ZNRF2: variants seen among roughly 807,000 people sequenced by gnomAD.
ZNRF2 encodes the protein zinc and ring finger 2.
In ZNRF2, 16 loss-of-function variants were observed where a neutral mutation model predicts 20.4. The observed-to-expected ratio is 0.79, with a 90% CI of 0.53 to 1.19. ZNRF2 has a LOEUF of 1.19. Ranked by LOEUF, ZNRF2 falls within the 50% of genes most tolerant of loss-of-function variation. The pLI is 0.00. For missense variants in ZNRF2, 363 were observed against 332.4 expected (o/e 1.09, Z -0.72); for synonymous variants, 178 against 144.9 (o/e 1.23, Z -1.64).
At chr7:30,362,332 AATTAGT>A (rs775404645) in intron 3 of ZNRF2, 39 bp from the exon 4 acceptor site, 1 of 1,308,334 alleles carries the variant, frequency 7.6e-7, no homozygotes, top group Non-Finnish European at 1.1e-6. Context: ...TTATATAAAT[AATTAGT>A]ATAAGTATCT....
chr7:30,325,221 A>G (rs937155528), intron 2 of ZNRF2, among the ~76,000 whole-genome samples: 1 of 152,242 alleles, frequency 6.6e-6, no homozygotes, highest in Non-Finnish European at 1.5e-5. Flanking sequence ...ATAAAGAAAC[A>G]GACTTCAAAA....
At chr7:30,300,922 A>G (rs976024593) in intron 1 of ZNRF2, among the ~76,000 whole-genome samples, 3 of 152,226 alleles carry the variant, frequency 2.0e-5, no homozygotes, top group Non-Finnish European at 4.4e-5. Context: ...AAATGAATCA[A>G]ACAATTTAAC....
chr7:30,290,478 G>C (rs142130135), intron 1 of ZNRF2, among the ~76,000 whole-genome samples: 1 of 152,298 alleles, frequency 6.6e-6, no homozygotes, highest in East Asian at 1.9e-4. Context: ...AGACTTCCTT[G>C]GGTTATTGGC....
chr7:30,342,665 C>G (rs1799814143), intron 2 of ZNRF2, among the ~76,000 whole-genome samples: 1 of 151,830 alleles, frequency 6.6e-6, no homozygotes. Context: ...TTGTGCTTTC[C>G]TTAGGTATGC....
intron 2 of ZNRF2, among the ~76,000 whole-genome samples, chr7:30,324,084 CAA>C (rs1005320108): frequency 1.2e-4 from 18 of 152,038 alleles, no homozygotes; most frequent in African/African-American, 3.9e-4. Context: ...TATTTAGTGA[CAA>C]GAGTGGCATT....
chr7:30,363,884 A>G (rs1466235209), intron 4 of ZNRF2, among the ~76,000 whole-genome samples: 1 of 152,198 alleles, frequency 6.6e-6, no homozygotes, highest in East Asian at 1.9e-4. Flanking sequence ...GAGAGATGAT[A>G]TAAAGCATTG....
intron 3 of ZNRF2, among the ~76,000 whole-genome samples, chr7:30,359,193 C>T (rs547964241): frequency 2.6e-4 from 40 of 152,198 alleles, no homozygotes; most frequent in Admixed American, 9.2e-4. Context: ...GAAAGAAAAT[C>T]GTGGAAATGT....
chr7:30,343,174 G>A (rs1181596725), intron 2 of ZNRF2, among the ~76,000 whole-genome samples: 2 of 152,066 alleles, frequency 1.3e-5, no homozygotes, highest in Non-Finnish European at 1.5e-5. Flanking sequence ...AGTCAACCAA[G>A]CGTGGTGGTG....
At chr7:30,313,745 T>TA (rs1799325095) in intron 1 of ZNRF2, among the ~76,000 whole-genome samples, 1 of 152,116 alleles carries the variant, frequency 6.6e-6, no homozygotes, top group African/African-American at 2.4e-5. Flanking sequence ...CAGTGAAGAA[T>TA]AAAAAACTAC....
At chr7:30,288,501 T>C (rs527496253) in intron 1 of ZNRF2, among the ~76,000 whole-genome samples, 8 of 152,328 alleles carry the variant, frequency 5.3e-5, no homozygotes, top group African/African-American at 1.7e-4. Flanking sequence ...GTGGAATTGT[T>C]AGTAGTTCTC....
In ZNRF2 at chr7:30,285,747, G is replaced by A. The variant is rs1411289273; in HGVS notation, c.390G>A (p.Arg130=). 2 of 1,479,584 alleles carry A rather than the reference G, an allele frequency of 1.4e-6. No homozygotes were observed. Among genetic ancestry groups the A allele is most frequent in the African/African-American group, 1.5e-5 (1 of 67,180 alleles). 91.7% of individuals were successfully genotyped at this position (1,479,584 alleles called of 1,614,324 possible). The change falls in exon 1 of 5, where the codon CGG becomes CGA. Residue 130 remains arginine (R), a synonymous_variant. Transcript: ENST00000323037. The part of the protein sequence containing the change: ...SPEDGGGGRD[R]PVGGSPGGPR... The stretch of plus-strand genomic sequence containing the variant: ...AGGACGGCGGCGGCGGCCGGGACCG[G>A]CCGGTGGGCGGGAGCCCCGGCGGGC...
chr7:30,343,568 C>T (rs549359398), intron 2 of ZNRF2, among the ~76,000 whole-genome samples: 19 of 152,104 alleles, frequency 1.2e-4, no homozygotes, highest in Non-Finnish European at 2.6e-4. Flanking sequence ...GTGCAAATTG[C>T]ATTTTTTAAT....
At chr7:30,350,686 A>C (rs1799948813) in intron 2 of ZNRF2, among the ~76,000 whole-genome samples, 1 of 152,034 alleles carries the variant, frequency 6.6e-6, no homozygotes, top group African/African-American at 2.4e-5. Flanking sequence ...AAAACTTGTG[A>C]GCCCCAACTT....
intron 1 of ZNRF2, among the ~76,000 whole-genome samples, chr7:30,319,341 A>G (rs1475509975): frequency 6.6e-6 from 1 of 152,164 alleles, no homozygotes; most frequent in African/African-American, 2.4e-5. Context: ...AATACTTACT[A>G]TGTTGCAGGC....
intron 2 of ZNRF2, among the ~76,000 whole-genome samples, chr7:30,353,879 G>C (rs531115260): frequency 6.6e-6 from 1 of 151,920 alleles, no homozygotes; most frequent in Admixed American, 6.6e-5. Context: ...TGATAAGAAT[G>C]GTATACCTTT....
chr7:30,345,472 T>C (rs772545339), intron 2 of ZNRF2, among the ~76,000 whole-genome samples: 2 of 152,134 alleles, frequency 1.3e-5, no homozygotes, highest in South Asian at 2.1e-4. Context: ...TATAGTGTTC[T>C]GTTATACCAT....
At chr7:30,344,289 CTG>C (rs1289145490) in intron 2 of ZNRF2, among the ~76,000 whole-genome samples, 1 of 151,062 alleles carries the variant, frequency 6.6e-6, no homozygotes. Context: ...TTAGAAATAA[CTG>C]TGGTGTTTCT....
At chr7:30,338,081 A>G (rs1314291857) in intron 2 of ZNRF2, among the ~76,000 whole-genome samples, 1 of 152,134 alleles carries the variant, frequency 6.6e-6, no homozygotes, top group Non-Finnish European at 1.5e-5. Flanking sequence ...CTTATATTTC[A>G]TAGGTGGATA....
chr7:30,354,763 TTTAGCTTTCCATTCTGTAA>T (rs1800011390), intron 2 of ZNRF2, among the ~76,000 whole-genome samples: 1 of 152,222 alleles, frequency 6.6e-6, no homozygotes, highest in African/African-American at 2.4e-5. Context: ...ATGTTCCTGC[TTTAGCTTTCCATTCTGTAA>T]ACGAAGAACA....
Sources: gnomAD v4.1 joint callset for allele counts (sites outside exome capture counted in the v4.1 genomes callset) on GRCh38, gnomAD v4.1.1 for gene constraint, MANE v1.5 for transcripts, NCBI Gene and HGNC (gene_info 2026-07-23, HGNC 2026-07-21) for gene names.